The following PARD6G variants were observed in gnomAD, a reference collection of about 807,000 sequenced individuals.
PARD6G encodes the protein par-6 family cell polarity regulator gamma.
PARD6G carries 7 observed loss-of-function variants against 10.7 expected under a neutral mutation model. The ratio of observed to expected loss-of-function variants is 0.66; its 90% CI spans 0.37 to 1.23. The LOEUF (loss-of-function observed/expected upper bound fraction) is 1.23. Ranked by LOEUF, PARD6G falls within the 50% of genes most tolerant of loss-of-function variation. PARD6G has a pLI of 0.02. For synonymous variants in PARD6G, 287 were observed against 269.4 expected (o/e 1.07, Z -0.64); for missense variants, 548 against 571.8 (o/e 0.96, Z 0.42).
chr18:80,205,843 C>T (rs1967049198), intron 1 of PARD6G, among the ~76,000 whole-genome samples: 1 of 152,160 alleles, frequency 6.6e-6, no homozygotes, highest in East Asian at 1.9e-4. Context: ...AAGCAATTTC[C>T]TTGTATCACT....
chr18:80,226,141 A>G (rs1460982222), intron 1 of PARD6G, among the ~76,000 whole-genome samples: 1 of 143,542 alleles, frequency 7.0e-6, no homozygotes, highest in African/African-American at 2.6e-5. Flanking sequence ...ACAGGTAACC[A>G]ATGACTTCAG....
rs1171547905 is a variant in PARD6G at position 80,188,217 on chromosome 18, A to C, written c.295+14493T>G. The stretch of plus-strand genomic sequence containing the variant: ...GATACAATTTTGTTTAATTATGTGA[A>C]CCTTCTTGGGTCCCATGGCTGGCCC... On this transcript the variant is annotated intron_variant, in intron 2 of 2. Coordinates refer to ENST00000353265, the MANE Select transcript of PARD6G (RefSeq NM_032510.4). The surrounding 1 kb of genome is among the most constrained non-coding windows in gnomAD (Gnocchi z 5.4). Among the ~76,000 whole-genome samples the C allele has an allele frequency of 6.6e-6, 1 of 152,078 alleles. No individual in the cohort carries two copies. The highest frequency in any genetic ancestry group is 6.5e-5 in the Admixed American group (1 of 15,272).
intron 1 of PARD6G, among the ~76,000 whole-genome samples, chr18:80,238,401 T>C (rs1967449662): frequency 6.6e-6 from 1 of 151,706 alleles, no homozygotes; most frequent in Non-Finnish European, 1.5e-5. Context: ...AAATGATGAG[T>C]TAATGGGTGC....
At chr18:80,221,986 T>C (rs1599871264) in intron 1 of PARD6G, among the ~76,000 whole-genome samples, 2 of 152,144 alleles carry the variant, frequency 1.3e-5, no homozygotes, top group African/African-American at 4.8e-5. Flanking sequence ...AGTGAAAGAT[T>C]TATACATTGA....
intron 1 of PARD6G, among the ~76,000 whole-genome samples, chr18:80,221,624 T>A (rs928670361): frequency 6.6e-6 from 1 of 151,376 alleles, no homozygotes; most frequent in Non-Finnish European, 1.5e-5. Flanking sequence ...AGACAATGAT[T>A]TTCCCCGAGA....
At chr18:80,207,706 A>G (rs1967067049) in intron 1 of PARD6G, among the ~76,000 whole-genome samples, 1 of 152,198 alleles carries the variant, frequency 6.6e-6, no homozygotes, top group Non-Finnish European at 1.5e-5. Context: ...ATTGCTTTTC[A>G]TCTTGCAAGC....
rs187730757 is a variant in PARD6G, at chr18:80,161,200, G to A, written c.296-594C>T. Among the ~76,000 whole-genome samples, 128 of 152,262 alleles carry A rather than the reference G, an allele frequency of 8.4e-4. No homozygotes were observed. Among genetic ancestry groups the A allele is most frequent in the Non-Finnish European group, 1.3e-3 (91 of 68,022 alleles). ...CAGCTGATGAGGGGAGATGAGTAGA[G>A]GAAGGAGTGGGATCAGAGGATGGCT... On this transcript the variant is annotated intron_variant, in intron 2 of 2. Transcript: ENST00000353265. The surrounding 1 kb of genome is among the most constrained non-coding windows in gnomAD (Gnocchi z 4.6).
chr18:80,232,634 C>G (rs1276446349), intron 1 of PARD6G, among the ~76,000 whole-genome samples: 1 of 145,390 alleles, frequency 6.9e-6, no homozygotes, highest in African/African-American at 2.5e-5. Context: ...CACCAGGTCC[C>G]TCCCACAACA....
chr18:80,225,212 A>G (rs964860635), intron 1 of PARD6G, among the ~76,000 whole-genome samples: 18 of 152,136 alleles, frequency 1.2e-4, no homozygotes, highest in Non-Finnish European at 2.4e-4. Flanking sequence ...TCCTTTACAA[A>G]GGGTCCAAAA....
At chr18:80,177,675 GGATA>G (rs1040971136) in intron 2 of PARD6G, among the ~76,000 whole-genome samples, 2 of 142,208 alleles carry the variant, frequency 1.4e-5, no homozygotes, top group African/African-American at 5.3e-5. Context: ...CACACACACA[GGATA>G]AATAGCCGAA....
rs1282505816 is a variant in PARD6G at position 80,175,355 on chromosome 18, TG to T, written c.296-14750del. On this transcript the variant is annotated intron_variant, in intron 2 of 2. Coordinates refer to ENST00000353265, the MANE Select transcript of PARD6G (RefSeq NM_032510.4). This position sits in a 1 kb window ranked among gnomAD's most constrained non-coding sequence, Gnocchi z 6.7. ...GAAAGTCCCATATCAAGGTCCGGCTTGTAACAGTTTCTGGGGAGGGCTCTCT... is the reference window on the plus strand; with the variant it reads ...GAAAGTCCCATATCAAGGTCCGGCTTTAACAGTTTCTGGGGAGGGCTCTCT... 6.6e-6 allele frequency among the ~76,000 whole-genome samples: 1 copy of T among 152,186 alleles called. No homozygotes were observed. The highest frequency in any genetic ancestry group is 1.9e-4 in the East Asian group (1 of 5,194).
rs1249869901 is a variant in PARD6G at position 80,157,817 on chromosome 18, A to G, written c.*1954T>C. The G allele has an allele frequency of 6.6e-6, 1 of 152,242 alleles. No individual in the cohort carries two copies. The highest frequency in any genetic ancestry group is 1.5e-5 in the Non-Finnish European group (1 of 68,046). 9.4% of individuals were successfully genotyped at this position (152,242 alleles called of 1,614,324 possible). A position where few individuals can be genotyped will look rare whatever the true frequency, so the allele number is the denominator to read the frequency against. On this transcript the variant is annotated 3_prime_UTR_variant, in exon 3 of 3. Coordinates refer to ENST00000353265, the MANE Select transcript of PARD6G (RefSeq NM_032510.4). ...TCCTCAGCAAAAGCTATTTCTTAAAAATAGAACTTGCTTTTCACTTAATAT... is the reference window on the plus strand; with the variant it reads ...TCCTCAGCAAAAGCTATTTCTTAAAGATAGAACTTGCTTTTCACTTAATAT...
chr18:80,185,503 T>C (rs2052869320), intron 2 of PARD6G, among the ~76,000 whole-genome samples: 1 of 152,116 alleles, frequency 6.6e-6, no homozygotes, highest in South Asian at 2.1e-4. Flanking sequence ...TTGCTTTTCT[T>C]ATCTAGTTAA....
chr18:80,163,611 C>T (rs556801632), intron 2 of PARD6G, among the ~76,000 whole-genome samples: 2 of 152,312 alleles, frequency 1.3e-5, no homozygotes, highest in East Asian at 3.9e-4. Context: ...GGAAGCATCT[C>T]GGCCATCCCC....
chr18:80,196,746 G>A (rs761275834), intron 2 of PARD6G, among the ~76,000 whole-genome samples: 2 of 152,092 alleles, frequency 1.3e-5, no homozygotes, highest in South Asian at 2.1e-4. Flanking sequence ...CTGGAGGGGG[G>A]CCTCTGGCTC....
At position 80,164,867 on chromosome 18, in the gene PARD6G, A is replaced by C. The variant is rs566340153; in HGVS notation, c.296-4261T>G. Among the ~76,000 whole-genome samples the C allele has an allele frequency of 2.0e-5, 3 of 152,286 alleles. No homozygotes were observed. In the East Asian group the frequency reaches 5.8e-4, roughly 29 times the overall value. ...AACAGGGAGTGGGTACAAAGATCAC[A>C]TGCTTCAAAAGGCAAAAAGCAGACG... On this transcript the variant is annotated intron_variant, in intron 2 of 2. Coordinates refer to ENST00000353265, the MANE Select transcript of PARD6G (RefSeq NM_032510.4).
chr18:80,196,910 A>G (rs1474209301), intron 2 of PARD6G, among the ~76,000 whole-genome samples: 4 of 151,012 alleles, frequency 2.6e-5, no homozygotes, highest in Non-Finnish European at 4.4e-5. Context: ...AAAAAAAAAA[A>G]AAAAAAAGAA....
At chr18:80,166,378 C>T (rs571373866) in intron 2 of PARD6G, among the ~76,000 whole-genome samples, 38 of 151,520 alleles carry the variant, frequency 2.5e-4, no homozygotes, top group African/African-American at 6.3e-4. Context: ...GCTAAGCAGG[C>T]GACACAGTCT....
At chr18:80,163,888 G>A (rs773325285) in intron 2 of PARD6G, among the ~76,000 whole-genome samples, 6 of 152,164 alleles carry the variant, frequency 3.9e-5, no homozygotes, top group African/African-American at 1.4e-4. Flanking sequence ...ATAAGATGAC[G>A]CAGGAGAGAA....
Sources: allele counts gnomAD v4.1 joint callset (sites outside exome capture counted in the v4.1 genomes callset), GRCh38; gene constraint gnomAD v4.1.1; non-coding constraint Gnocchi (gnomAD v3.1); transcripts MANE v1.5; gene names NCBI Gene and HGNC (gene_info 2026-07-23, HGNC 2026-07-21).